Variants in P3H2 observed in about 807,000 individuals in gnomAD.
P3H2 encodes prolyl 3-hydroxylase 2.
A neutral mutation model predicts 87.0 loss-of-function variants in P3H2; 80 were observed. The observed-to-expected ratio is 0.92, with a 90% CI of 0.77 to 1.11. The LOEUF is 1.11. Ranked by LOEUF, P3H2 falls within the 50% of genes least tolerant of loss-of-function variation. The pLI is 0.00. For missense variants in P3H2, 1,001 were observed against 923.9 expected (o/e 1.08, Z -1.08); for synonymous variants, 367 against 359.3 (o/e 1.02, Z -0.24).
intron 1 of P3H2, among the ~76,000 whole-genome samples, chr3:190,030,009 A>C (rs2108946608): frequency 6.6e-6 from 1 of 151,964 alleles, no homozygotes; most frequent in South Asian, 2.1e-4. Flanking sequence ...TCTCAAAAAA[A>C]AAAAGAAAAA....
chr3:190,024,788 A>T (rs1052411031), intron 1 of P3H2, among the ~76,000 whole-genome samples: 1 of 152,184 alleles, frequency 6.6e-6, no homozygotes, highest in Non-Finnish European at 1.5e-5. Context: ...GAGGATTTCA[A>T]GCAAATAATG....
intron 1 of P3H2, among the ~76,000 whole-genome samples, chr3:190,042,930 A>C (rs1315097192): frequency 6.6e-6 from 1 of 152,210 alleles, no homozygotes; most frequent in African/African-American, 2.4e-5. Context: ...TTAACGCTGA[A>C]AATGAAGGCA....
chr3:190,120,098 G>C (rs1011808003), intron 1 of P3H2, among the ~76,000 whole-genome samples, 154 bp downstream of exon 1: 3 of 152,228 alleles, frequency 2.0e-5, no homozygotes, highest in African/African-American at 7.2e-5. Context: ...TACAGAGATA[G>C]GGCCACCAGA....
rs1374106845 is a variant in P3H2 at position 189,966,098 on chromosome 3, GAAAGAAAAAAGAAAGAAAGAAAGAA to G, written c.1894-2025_1894-2001del. Among the ~76,000 whole-genome samples, 26 of 118,308 alleles carry G rather than the reference GAAAGAAAAAAGAAAGAAAGAAAGAA, an allele frequency of 2.2e-4. 2 individuals carry two copies. In the East Asian group the frequency reaches 3.7e-3, roughly 17 times the overall value. 77.6% of individuals were successfully genotyped at this position (118,308 alleles called of 152,430 possible). On this transcript the variant is annotated intron_variant, in intron 13 of 14. Coordinates refer to ENST00000319332, the MANE Select transcript of P3H2 (RefSeq NM_018192.4). ...GGAAAGAAAGGAAGAAAGAAAGAAA[GAAAGAAAAAAGAAAGAAAGAAAGAA>G]AAAGAAAGAAAGAAAGAAAGAAAGA...
At chr3:189,970,257 TG>T (rs1367289423) in intron 13 of P3H2, among the ~76,000 whole-genome samples, 1 of 132,328 alleles carries the variant, frequency 7.6e-6, no homozygotes, top group Non-Finnish European at 1.6e-5. Context: ...GAAGCTGCAG[TG>T]GGCATATTTA....
rs114597589 is a variant in P3H2 at position 190,056,731 on chromosome 3, G to C, written c.481-61289C>G. Among the ~76,000 whole-genome samples, 1,339 of 152,302 alleles carry C rather than the reference G, an allele frequency of 8.8e-3. 14 individuals carry two copies. The highest frequency in any genetic ancestry group is 0.021 in the South Asian group (103 of 4,824). On this transcript the variant is annotated intron_variant, in intron 1 of 14. Transcript: ENST00000319332. ...TGATGGAGACTTTTTCTCAGCTGCA[G>C]TTAACTGGGATGCCTTAAACATGCC...
At chr3:190,116,346 TAA>T (rs1186295986) in intron 1 of P3H2, among the ~76,000 whole-genome samples, 1 of 152,188 alleles carries the variant, frequency 6.6e-6, no homozygotes, top group Non-Finnish European at 1.5e-5. Context: ...ACTCATCTCT[TAA>T]ACTTAACTTA....
chr3:190,053,921 G>C (rs1322868892), intron 1 of P3H2, among the ~76,000 whole-genome samples: 1 of 152,030 alleles, frequency 6.6e-6, no homozygotes, highest in South Asian at 2.1e-4. Flanking sequence ...CAAAACTGTA[G>C]CTTCTACACA....
intron 10 of P3H2, 108 bp from the exon 11 acceptor site, chr3:189,973,132 G>A: frequency 1.1e-6 from 1 of 937,974 alleles, no homozygotes. Context: ...TGTCTGTATT[G>A]ACTAATGGGG....
chr3:190,029,328 TG>T (rs1434070451), intron 1 of P3H2, among the ~76,000 whole-genome samples: 1 of 152,204 alleles, frequency 6.6e-6, no homozygotes, highest in African/African-American at 2.4e-5. Flanking sequence ...CAGAGAAATC[TG>T]GGGACTTTTA....
chr3:189,966,115 AAGAAAGAAAAAGAAAGAAAG>A (rs1327038134), intron 13 of P3H2, among the ~76,000 whole-genome samples: 80 of 109,454 alleles, frequency 7.3e-4, no homozygotes, highest in African/African-American at 3.4e-3. Context: ...AAAAGAAAGA[AAGAAAGAAAAAGAAAGAAAG>A]AAAGAAAGAA....
intron 1 of P3H2, among the ~76,000 whole-genome samples, chr3:190,068,124 C>G (rs932852371): frequency 6.6e-6 from 1 of 151,912 alleles, no homozygotes; most frequent in African/African-American, 2.4e-5. Context: ...AATCTCATGT[C>G]TGAATTACAT....
chr3:190,088,286 A>C (rs1243466250), intron 1 of P3H2, among the ~76,000 whole-genome samples: 2 of 152,242 alleles, frequency 1.3e-5, no homozygotes, highest in Admixed American at 6.5e-5. Context: ...TAAGCATGCT[A>C]TGGGATAATT....
intron 1 of P3H2, among the ~76,000 whole-genome samples, chr3:190,092,862 A>G (rs561292305): frequency 6.6e-6 from 1 of 152,330 alleles, no homozygotes; most frequent in East Asian, 1.9e-4. Context: ...TCATAGAACC[A>G]CAATCCATCA....
rs76643607 is a variant in P3H2, at chr3:190,043,431, T to G, written c.481-47989A>C. 1.7e-3 allele frequency among the ~76,000 whole-genome samples: 257 copies of G among 152,122 alleles called. 1 individual carries two copies. The highest frequency in any genetic ancestry group is 5.8e-3 in the African/African-American group (241 of 41,486). On this transcript the variant is annotated intron_variant, in intron 1 of 14. Transcript: ENST00000319332. ...TATGGGTAATTCGCAACTCTCAGCTTCTTCTTATTCTCTTTAAACTTGTAC... is the reference window on the plus strand; with the variant it reads ...TATGGGTAATTCGCAACTCTCAGCTGCTTCTTATTCTCTTTAAACTTGTAC...
intron 1 of P3H2, among the ~76,000 whole-genome samples, chr3:190,013,975 T>TC (rs1724674650): frequency 6.6e-6 from 1 of 152,162 alleles, no homozygotes; most frequent in African/African-American, 2.4e-5. Context: ...TTGATATTTT[T>TC]CCTGAAGAAA....
In P3H2 at chr3:189,957,846, A is replaced by C; in HGVS notation, c.*66T>G. On this transcript the variant is annotated 3_prime_UTR_variant, in exon 15 of 15. Coordinates refer to ENST00000319332, the MANE Select transcript of P3H2 (RefSeq NM_018192.4). ...TAATTTATACCATGGCTCTGTACAA[A>C]AATAAAAAGGTTCTCATAAGATTAA... is the stretch of plus-strand genomic sequence containing the variant. The C allele has an allele frequency of 8.8e-7, 1 of 1,136,822 alleles. No individual in the cohort carries two copies. Among genetic ancestry groups the C allele is most frequent in the Non-Finnish European group, 1.3e-6 (1 of 756,230 alleles). The allele number at this position is 1,136,822 out of a possible 1,614,324, so 70.4% of individuals were successfully genotyped here.
At chr3:190,024,341 A>C (rs556150684) in intron 1 of P3H2, among the ~76,000 whole-genome samples, 1 of 152,062 alleles carries the variant, frequency 6.6e-6, no homozygotes, top group Admixed American at 6.5e-5. Context: ...GTTCGAGACC[A>C]GCGTGTCCAA....
chr3:190,036,205 T>C (rs1220841049), intron 1 of P3H2, among the ~76,000 whole-genome samples: 1 of 152,210 alleles, frequency 6.6e-6, no homozygotes, highest in Non-Finnish European at 1.5e-5. Flanking sequence ...ACTCTGCCTT[T>C]TCTCCCAAAC....
Sources: gnomAD v4.1 joint callset for allele counts (sites outside exome capture counted in the v4.1 genomes callset) on GRCh38, gnomAD v4.1.1 for gene constraint, MANE v1.5 for transcripts, NCBI Gene and HGNC (gene_info 2026-07-23, HGNC 2026-07-21) for gene names.